The following AGPS variants were observed in gnomAD, a reference collection of about 807,000 sequenced individuals.
AGPS encodes alkyldihydroxyacetonephosphate synthase, peroxisomal.
Under a neutral mutation model 90.7 loss-of-function variants are expected in AGPS, and 26 were observed. The observed-to-expected ratio is 0.29, with a 90% CI of 0.21 to 0.40. AGPS has a LOEUF of 0.40. Among genes scored for constraint, AGPS ranks in the 10% least tolerant of loss-of-function variants. The pLI, the probability that AGPS is intolerant of heterozygous loss-of-function variation, is 1.00. For synonymous variants in AGPS, 294 were observed against 285.3 expected, an observed-to-expected ratio of 1.03 and a Z score of -0.31; for missense variants, 540 against 816.1, an observed-to-expected ratio of 0.66 and a Z score of 4.12.
At chr2:177,441,070 A>T in intron 6 of AGPS, 34 bp downstream of exon 6, 1 of 1,487,574 alleles carries the variant, frequency 6.7e-7, no homozygotes, top group Non-Finnish European at 9.4e-7. Flanking sequence ...TTAATATGTA[A>T]ATTTGTTCTA....
At chr2:177,409,734 G>C (rs1335108036) in intron 1 of AGPS, among the ~76,000 whole-genome samples, 1 of 152,150 alleles carries the variant, frequency 6.6e-6, no homozygotes. Flanking sequence ...GCATGGGCTA[G>C]TAGGCCGGTC....
chr2:177,518,402 C>A (rs1040724656), intron 17 of AGPS, among the ~76,000 whole-genome samples: 1 of 152,070 alleles, frequency 6.6e-6, no homozygotes, highest in Admixed American at 6.5e-5. Flanking sequence ...TGCCACTACA[C>A]TCCAGCCTGG....
intron 2 of AGPS, among the ~76,000 whole-genome samples, chr2:177,421,755 A>G (rs142832773): frequency 3.9e-5 from 6 of 152,238 alleles, no homozygotes; most frequent in African/African-American, 1.2e-4. Context: ...AGAAACATCG[A>G]TGTAGAGATC....
At chr2:177,523,893 A>G (rs777916079) in intron 19 of AGPS, 88 bp downstream of exon 19, 129 of 1,101,314 alleles carry the variant, frequency 1.2e-4, no homozygotes, top group Non-Finnish European at 1.6e-4. Context: ...CATGGTATGA[A>G]TAATATGAGA....
chr2:177,481,174 C>T (rs555458868), intron 10 of AGPS, among the ~76,000 whole-genome samples: 8 of 152,128 alleles, frequency 5.3e-5, no homozygotes, highest in African/African-American at 1.7e-4. Flanking sequence ...TCAAGGATTT[C>T]TCCCCGTCTT....
chr2:177,441,942 T>G (rs1686616315), intron 6 of AGPS, among the ~76,000 whole-genome samples: 1 of 152,324 alleles, frequency 6.6e-6, no homozygotes, highest in Non-Finnish European at 1.5e-5. Context: ...CTATTCTAAT[T>G]TATTAAAGCT....
intron 18 of AGPS, among the ~76,000 whole-genome samples, chr2:177,521,653 A>G (rs1029381798): frequency 6.6e-6 from 1 of 152,206 alleles, no homozygotes; most frequent in African/African-American, 2.4e-5. Flanking sequence ...AAATAACTAT[A>G]TAGGAATCTT....
chr2:177,515,288 T>G (rs534653026), intron 17 of AGPS, among the ~76,000 whole-genome samples: 1 of 152,276 alleles, frequency 6.6e-6, no homozygotes, highest in South Asian at 2.1e-4. Context: ...AGCCCAGTCT[T>G]TTAGCAGTCA....
chr2:177,393,654 A>G (rs1355457240), intron 1 of AGPS: 7 of 821,394 alleles, frequency 8.5e-6, no homozygotes, highest in Non-Finnish European at 1.0e-5. Context: ...TGGTATAGCT[A>G]CTGAGCTCTG....
intron 1 of AGPS, among the ~76,000 whole-genome samples, chr2:177,409,332 G>T (rs985570979): frequency 3.3e-5 from 5 of 151,746 alleles, no homozygotes; most frequent in African/African-American, 1.2e-4. Flanking sequence ...AATGCTTGGG[G>T]TTTATATCCC....
chr2:177,400,011 A>T (rs763424344), intron 1 of AGPS, among the ~76,000 whole-genome samples: 4 of 152,208 alleles, frequency 2.6e-5, no homozygotes, highest in Non-Finnish European at 4.4e-5. Context: ...ATGAACATTT[A>T]GGTGGTGGTT....
chr2:177,479,813 T>C (rs537652894), intron 10 of AGPS, among the ~76,000 whole-genome samples: 2 of 152,176 alleles, frequency 1.3e-5, no homozygotes, highest in Non-Finnish European at 2.9e-5. Context: ...ATGGTTTCTT[T>C]TTTGGGATGA....
intron 16 of AGPS, among the ~76,000 whole-genome samples, chr2:177,510,238 C>T (rs566774845): frequency 3.9e-5 from 6 of 152,148 alleles, no homozygotes; most frequent in African/African-American, 1.4e-4. Context: ...GGCCTTCTTC[C>T]TGGTTTTATA....
At chr2:177,491,535 C>T (rs1688261169) in intron 11 of AGPS, among the ~76,000 whole-genome samples, 2 of 151,234 alleles carry the variant, frequency 1.3e-5, no homozygotes, top group African/African-American at 4.9e-5. Flanking sequence ...CCTTGGCTTC[C>T]CAAAGTGCTG....
intron 1 of AGPS, among the ~76,000 whole-genome samples, chr2:177,400,963 A>G (rs1314497818): frequency 6.6e-6 from 1 of 152,222 alleles, no homozygotes; most frequent in Non-Finnish European, 1.5e-5. Context: ...AATGACACCT[A>G]CTTGAATTCT....
At chr2:177,462,848 A>T (rs1687341570) in intron 9 of AGPS, among the ~76,000 whole-genome samples, 1 of 152,108 alleles carries the variant, frequency 6.6e-6, no homozygotes, top group South Asian at 2.1e-4. Context: ...AGTACTATGG[A>T]TTTTGGTATC....
At chr2:177,459,305 G>A (rs1409460067) in intron 8 of AGPS, among the ~76,000 whole-genome samples, 2 of 152,174 alleles carry the variant, frequency 1.3e-5, no homozygotes, top group Non-Finnish European at 2.9e-5. Flanking sequence ...GGCAACAAAA[G>A]CCAAAATTGA....
chr2:177,456,399 G>A (rs866849548), intron 8 of AGPS, among the ~76,000 whole-genome samples: 2 of 152,100 alleles, frequency 1.3e-5, no homozygotes, highest in Admixed American at 6.5e-5. Flanking sequence ...GGTATACTGC[G>A]GTATGCAAAT....
intron 15 of AGPS, among the ~76,000 whole-genome samples, chr2:177,506,450 T>G (rs1287199493): frequency 6.6e-6 from 1 of 151,864 alleles, no homozygotes; most frequent in Non-Finnish European, 1.5e-5. Context: ...GATTGGGATA[T>G]CCATCACCTC....
Sources: gnomAD v4.1 joint callset for allele counts (sites outside exome capture counted in the v4.1 genomes callset) on GRCh38, gnomAD v4.1.1 for gene constraint, MANE v1.5 for transcripts, NCBI Gene and HGNC (gene_info 2026-07-23, HGNC 2026-07-21) for gene names.